Variants in HERC4 observed in about 807,000 individuals in gnomAD.
The protein encoded by HERC4 is probable E3 ubiquitin-protein ligase HERC4.
A neutral mutation model predicts 124.3 loss-of-function variants in HERC4; 28 were observed. The ratio of observed to expected loss-of-function variants is 0.23; its 90% CI spans 0.17 to 0.31. The LOEUF (loss-of-function observed/expected upper bound fraction) is 0.31, where lower values mean the gene tolerates loss of function less well. Ranked by LOEUF, HERC4 falls within the 10% of genes least tolerant of loss-of-function variation. The pLI, the probability that HERC4 is intolerant of heterozygous loss-of-function variation, is 1.00. For missense variants in HERC4, 713 were observed against 1,229.3 expected (o/e 0.58, Z 6.28); for synonymous variants, 407 against 421.5 (o/e 0.97, Z 0.42).
intron 8 of HERC4, among the ~76,000 whole-genome samples, chr10:68,025,321 T>C (rs1383000139): frequency 1.3e-5 from 2 of 152,162 alleles, no homozygotes; most frequent in African/African-American, 4.8e-5. Context: ...ATATTACATA[T>C]ACACTATTAA....
At chr10:67,937,762 C>T (rs1229892568) in intron 21 of HERC4, among the ~76,000 whole-genome samples, 1 of 150,874 alleles carries the variant, frequency 6.6e-6, no homozygotes, top group Non-Finnish European at 1.5e-5. Context: ...CTCACTGCAA[C>T]CTCCACCTCT....
At position 68,059,692 on chromosome 10, in the gene HERC4, A is replaced by G. The variant is rs1564608698; in HGVS notation, c.226+13191T>C. Among the ~76,000 whole-genome samples the G allele has an allele frequency of 5.8e-5, 4 of 68,544 alleles. 1 individual carries two copies. Among genetic ancestry groups the G allele is most frequent in the African/African-American group, 3.9e-4 (4 of 10,146 alleles). The allele number at this position is 68,544 out of a possible 152,430, so 45.0% of individuals were successfully genotyped here. On this transcript the variant is annotated intron_variant, in intron 3 of 24. Coordinates refer to ENST00000373700, the MANE Select transcript of HERC4 (RefSeq NM_015601.4). Reference sequence around the variant, plus strand: ...ATTATATTATATATCATAATATTATATATTATAATATTATATATCATAATA... The same window carrying G: ...ATTATATTATATATCATAATATTATGTATTATAATATTATATATCATAATA...
intron 5 of HERC4, among the ~76,000 whole-genome samples, chr10:68,034,408 T>C (rs1316732040): frequency 6.6e-6 from 1 of 152,214 alleles, no homozygotes; most frequent in Non-Finnish European, 1.5e-5. Context: ...ACTTTAAGTT[T>C]GATTGACTAC....
At chr10:68,019,012 T>G (rs1483222069) in intron 8 of HERC4, among the ~76,000 whole-genome samples, 3 of 148,964 alleles carry the variant, frequency 2.0e-5, no homozygotes, top group Non-Finnish European at 4.5e-5. Context: ...TTTTTTTTTT[T>G]TGAGATGGAG....
chr10:67,951,096 G>C (rs1301896531), intron 19 of HERC4, among the ~76,000 whole-genome samples: 3 of 152,178 alleles, frequency 2.0e-5, no homozygotes, highest in Non-Finnish European at 4.4e-5. Flanking sequence ...GATAGAACTT[G>C]AAAGGTCCCA....
Position 67,931,713 on chromosome 10 carries a change from T to C in HERC4, c.2838+884A>G, listed in dbSNP as rs1288085597. Among the ~76,000 whole-genome samples, 14 of 151,784 alleles carry C rather than the reference T, an allele frequency of 9.2e-5. No individual in the cohort carries two copies. The East Asian group carries it at 2.8e-3, about 30-fold the overall frequency. On this transcript the variant is annotated intron_variant, in intron 23 of 24. Transcript: ENST00000373700. ...GTGCTGGGATTACAGGCATGAGCCA[T>C]CGCGCCTGGCTTGGTTAGGGCTTCT...
At chr10:68,018,329 T>C (rs636550) in intron 8 of HERC4, among the ~76,000 whole-genome samples, 2 of 151,822 alleles carry the variant, frequency 1.3e-5, no homozygotes, top group African/African-American at 4.8e-5. Flanking sequence ...AAACTTAACA[T>C]CCATTCACAA....
intron 4 of HERC4, chr10:68,039,315 C>CAAA (rs5785844): frequency 1.5e-4 from 169 of 1,097,588 alleles, no homozygotes; most frequent in Non-Finnish European, 1.7e-4. Context: ...GACCCTGTCT[C>CAAA]AAAAAAAAAA....
At chr10:68,007,997 G>A (rs920066864) in intron 9 of HERC4, 1 of 152,460 alleles carries the variant, frequency 6.6e-6, no homozygotes, top group African/African-American at 2.4e-5. Context: ...GGGACTACAT[G>A]CACACACCAC....
At chr10:68,028,482 C>A (rs1356124093) in intron 7 of HERC4, among the ~76,000 whole-genome samples, 1 of 152,068 alleles carries the variant, frequency 6.6e-6, no homozygotes, top group African/African-American at 2.4e-5. Flanking sequence ...ACACAAAATG[C>A]CCAAAGGTAT....
intron 15 of HERC4, among the ~76,000 whole-genome samples, chr10:67,974,637 A>ATATC (rs1174288822): frequency 6.6e-6 from 1 of 152,192 alleles, no homozygotes; most frequent in Non-Finnish European, 1.5e-5. Flanking sequence ...GGATCGGTCT[A>ATATC]TATCTGTTGC....
chr10:68,003,942 T>C (rs1346359125), intron 9 of HERC4, among the ~76,000 whole-genome samples: 1 of 152,218 alleles, frequency 6.6e-6, no homozygotes, highest in Non-Finnish European at 1.5e-5. Context: ...TTCTCCACAG[T>C]GGCTATACTA....
chr10:67,992,383 A>G, intron 10 of HERC4, 60 bp from the exon 11 acceptor site: 1 of 1,563,908 alleles, frequency 6.4e-7, no homozygotes, highest in Non-Finnish European at 8.7e-7. Context: ...TCAAAAACCA[A>G]GAAATTCCCA....
At chr10:68,049,601 A>AAAAC (rs1223467438) in intron 3 of HERC4, among the ~76,000 whole-genome samples, 5 of 150,870 alleles carry the variant, frequency 3.3e-5, no homozygotes, top group Non-Finnish European at 7.4e-5. Context: ...AAAAAAAAAA[A>AAAAC]AAAAAAAAAA....
intron 19 of HERC4, among the ~76,000 whole-genome samples, chr10:67,952,694 C>T (rs1451702767): frequency 1.3e-5 from 2 of 151,788 alleles, no homozygotes; most frequent in Non-Finnish European, 2.9e-5. Context: ...GTCAGGAGAT[C>T]GAGACAATCC....
chr10:67,970,294 A>G (rs1167413607), intron 15 of HERC4, among the ~76,000 whole-genome samples: 1 of 152,206 alleles, frequency 6.6e-6, no homozygotes, highest in African/African-American at 2.4e-5. Flanking sequence ...GAGACATATC[A>G]AAAATCAACT....
At chr10:68,025,764 T>C in intron 7 of HERC4, 88 bp from the exon 8 acceptor site, 1 of 1,372,278 alleles carries the variant, frequency 7.3e-7, no homozygotes, top group Non-Finnish European at 9.8e-7. Context: ...ATCTTTAATA[T>C]AAACTCAGTT....
chr10:67,982,127 C>A, intron 15 of HERC4, among the ~76,000 whole-genome samples: 1 of 152,068 alleles, frequency 6.6e-6, no homozygotes, highest in East Asian at 1.9e-4. Flanking sequence ...AAAATTTACA[C>A]AGAACCACAA....
intron 3 of HERC4, among the ~76,000 whole-genome samples, chr10:68,056,702 C>T (rs1234385621): frequency 6.6e-6 from 1 of 152,122 alleles, no homozygotes; most frequent in Non-Finnish European, 1.5e-5. Context: ...AGTTAAAGAG[C>T]TACTGGCCAC....
Sources: gnomAD v4.1 joint callset for allele counts (sites outside exome capture counted in the v4.1 genomes callset) on GRCh38, gnomAD v4.1.1 for gene constraint, MANE v1.5 for transcripts, NCBI Gene and HGNC (gene_info 2026-07-23, HGNC 2026-07-21) for gene names.